SLC24A5: variants seen among roughly 807,000 people sequenced by gnomAD.
SLC24A5 encodes the protein sodium/potassium/calcium exchanger 5.
SLC24A5 carries 46 observed loss-of-function variants against 51.6 expected under a neutral mutation model. The ratio of observed to expected loss-of-function variants is 0.89; its 90% CI spans 0.70 to 1.14. The LOEUF is 1.14. SLC24A5 is among the 50% of genes most tolerant of loss of function. The probability of loss-of-function intolerance (pLI) is 0.00; values close to 1 mark genes in which losing one functional copy is unlikely to be tolerated. For missense variants in SLC24A5, 581 were observed against 604.1 expected (o/e 0.96, Z 0.40); for synonymous variants, 230 against 214.9 (o/e 1.07, Z -0.62).
intron 2 of SLC24A5, among the ~76,000 whole-genome samples, chr15:48,129,132 G>A (rs4775737): frequency 0.032 from 4,938 of 151,994 alleles, 194 homozygotes; most frequent in Admixed American, 0.092. Context: ...AGTCTTTTTC[G>A]GTGGAATCAG....
chr15:48,128,594 T>C (rs1369660648), intron 2 of SLC24A5, among the ~76,000 whole-genome samples: 1 of 152,198 alleles, frequency 6.6e-6, no homozygotes, highest in East Asian at 1.9e-4. Context: ...GCCTACAGTT[T>C]CAGGGGATTG....
At chr15:48,140,179 AAAAT>A (rs2039018280) in intron 7 of SLC24A5, 1 of 152,118 alleles carries the variant, frequency 6.6e-6, no homozygotes, top group African/African-American at 2.4e-5. Context: ...TGATACTAGA[AAAAT>A]AAAAAGAGAG....
chr15:48,126,074 C>T (rs1169704012), intron 2 of SLC24A5, among the ~76,000 whole-genome samples: 6 of 152,188 alleles, frequency 3.9e-5, no homozygotes, highest in Non-Finnish European at 8.8e-5. Context: ...CTCGGTCAAA[C>T]CAGTGCTCTT....
chr15:48,138,046 C>T (rs563038687), intron 6 of SLC24A5: 12 of 152,058 alleles, frequency 7.9e-5, no homozygotes, highest in Non-Finnish European at 1.3e-4. Flanking sequence ...TTAGCTTCTA[C>T]TCTTTCAGGT....
Position 48,134,466 on chromosome 15 carries a change from T to C in SLC24A5, c.417T>C (p.Ile139=). Residue 139 remains isoleucine (I), a synonymous_variant, in exon 4 of 9, where the codon ATT becomes ATC. Transcript: ENST00000341459. The part of the protein sequence containing the change: ...GVFITKGDIG[I]STILGSAIYN... ...TTATCACAAAGGGAGATATTGGCAT[T>C]AGCACCATCCTTGGATCTGCAATTT... 6.2e-7 allele frequency: 1 copy of C among 1,613,586 alleles called. No homozygotes were observed. The highest frequency in any genetic ancestry group is 8.5e-7 in the Non-Finnish European group (1 of 1,179,580).
chr15:48,133,645 G>A (rs934945452), intron 2 of SLC24A5, among the ~76,000 whole-genome samples: 2 of 152,052 alleles, frequency 1.3e-5, no homozygotes, highest in Admixed American at 1.3e-4. Flanking sequence ...CGTTGAAACT[G>A]CAAATTTTTT....
At position 48,134,837 on chromosome 15, in the gene SLC24A5, T is replaced by C. The variant is rs769436678; in HGVS notation, c.490-47T>C. The C allele has an allele frequency of 2.0e-5, 28 of 1,372,942 alleles. No homozygotes were observed. The Admixed American group carries it at 3.8e-4, about 19-fold the overall frequency. 85.0% of individuals were successfully genotyped at this position (1,372,942 alleles called of 1,614,324 possible). A position where few individuals can be genotyped will look rare whatever the true frequency, so the allele number is the denominator to read the frequency against. The stretch of plus-strand genomic sequence containing the variant: ...TTTAGTATTATACTAAGGATTGTAC[T>C]TGAAGAAGTTACAATGTAATGGAAA... On this transcript the variant is annotated intron_variant, in intron 4 of 8. Coordinates refer to ENST00000341459, the MANE Select transcript of SLC24A5 (RefSeq NM_205850.3).
chr15:48,136,609 G>A, intron 5 of SLC24A5, 74 bp from the exon 6 acceptor site: 1 of 1,343,840 alleles, frequency 7.4e-7, no homozygotes, highest in Non-Finnish European at 1.0e-6. Flanking sequence ...TCATTCAATA[G>A]ATACTGCCCA....
intron 2 of SLC24A5, among the ~76,000 whole-genome samples, chr15:48,131,349 G>C (rs564419748): frequency 6.6e-6 from 1 of 152,034 alleles, no homozygotes; most frequent in Non-Finnish European, 1.5e-5. Flanking sequence ...ATATGCTATG[G>C]TTTGGGTATT....
chr15:48,141,717 T>C (rs543373568), intron 8 of SLC24A5: 2 of 190,384 alleles, frequency 1.1e-5, no homozygotes, highest in African/African-American at 4.7e-5. Context: ...CCCCAAATAA[T>C]ATTCATTTGA....
rs147773132 is a variant in SLC24A5 at position 48,122,011 on chromosome 15, A to G, written c.276A>G (p.Leu92=). The G allele has an allele frequency of 1.8e-4, 289 of 1,613,872 alleles. No homozygotes were observed. The African/African-American group carries it at 3.7e-3, about 21-fold the overall frequency. The change falls in exon 2 of 9, where the codon CTA becomes CTG. Residue 92 remains leucine, a synonymous_variant. Coordinates refer to ENST00000341459, the MANE Select transcript of SLC24A5 (RefSeq NM_205850.3). ...CTATTGTCTGTGATGAATACTTCCT[A>G]CCCTCCCTGGAAATCATCAGTGAAT... The part of the protein sequence containing the change: ...AISIVCDEYF[L]PSLEIISESL...
At chr15:48,128,215 C>G (rs2038751859) in intron 2 of SLC24A5, among the ~76,000 whole-genome samples, 1 of 151,620 alleles carries the variant, frequency 6.6e-6, no homozygotes, top group Non-Finnish European at 1.5e-5. Flanking sequence ...CTCTGAGAAC[C>G]CCTTAAGATT....
intron 2 of SLC24A5, chr15:48,123,150 T>C (rs748498477): frequency 1.9e-4 from 29 of 151,782 alleles, no homozygotes; most frequent in Non-Finnish European, 3.7e-4. Context: ...CCTATCTGTT[T>C]AATGAAAATA....
intron 2 of SLC24A5, 87 bp from the exon 3 acceptor site, chr15:48,134,171 C>A: frequency 9.2e-7 from 1 of 1,082,186 alleles, no homozygotes; most frequent in Non-Finnish European, 1.4e-6. Flanking sequence ...TTATGTGAAG[C>A]TGTAGCTTTG....
chr15:48,133,308 G>C (rs2038816032), intron 2 of SLC24A5, among the ~76,000 whole-genome samples: 1 of 152,146 alleles, frequency 6.6e-6, no homozygotes. Flanking sequence ...CTATTAGCTA[G>C]TTTTTAGTTT....
intron 2 of SLC24A5, among the ~76,000 whole-genome samples, chr15:48,127,444 T>C (rs2038742983): frequency 6.6e-6 from 1 of 152,162 alleles, no homozygotes; most frequent in South Asian, 2.1e-4. Flanking sequence ...TTTGACAAGG[T>C]AGGAAGTAAG....
Position 48,138,954 on chromosome 15 carries a change from C to A in SLC24A5, c.872-15C>A. Reference sequence around the variant, plus strand: ...ATTTGAGAAAACTCAAAAGTGTTTACTTTTTCCACAACAGATCCACCAAGT... The same window carrying A: ...ATTTGAGAAAACTCAAAAGTGTTTAATTTTTCCACAACAGATCCACCAAGT... On this transcript the variant is annotated splice_polypyrimidine_tract_variant and intron_variant, in intron 6 of 8. Coordinates refer to ENST00000341459, the MANE Select transcript of SLC24A5 (RefSeq NM_205850.3). 6.3e-7 allele frequency: 1 copy of A among 1,593,576 alleles called. No homozygotes were observed. The highest frequency in any genetic ancestry group is 2.2e-5 in the East Asian group (1 of 44,588).
chr15:48,141,960 T>C, intron 8 of SLC24A5, 69 bp from the exon 9 acceptor site: 1 of 1,168,364 alleles, frequency 8.6e-7, no homozygotes. Context: ...GTGTTTCTTT[T>C]CTTATGAAGA....
In SLC24A5 at chr15:48,134,521, G is replaced by C; in HGVS notation, c.472G>C (p.Gly158Arg). ...TCTCCTTGGCATCTGTGCTGCCTGT[G>C]GTTTGCTATCTAATACGGTATGTAA... ...YNLLGICAAC[G>R]LLSNTVSTLS... is the part of the protein sequence containing the mutation. Residue 158 changes from glycine (G) to arginine (R), a missense_variant, in exon 4 of 9, where the codon GGT (glycine) becomes CGT (arginine). Transcript: ENST00000341459. The C allele has an allele frequency of 6.2e-7, 1 of 1,612,908 alleles. No individual in the cohort carries two copies. Among genetic ancestry groups the C allele is most frequent in the Non-Finnish European group, 8.5e-7 (1 of 1,179,134 alleles).
Sources: allele counts gnomAD v4.1 joint callset (sites outside exome capture counted in the v4.1 genomes callset), GRCh38; gene constraint gnomAD v4.1.1; transcripts MANE v1.5; gene names NCBI Gene and HGNC (gene_info 2026-07-23, HGNC 2026-07-21).